VPS41: variants seen among roughly 807,000 people sequenced by gnomAD.
VPS41 encodes VPS41 subunit of HOPS complex.
A neutral mutation model predicts 130.9 loss-of-function variants in VPS41; 85 were observed. The ratio of observed to expected loss-of-function variants is 0.65; its 90% CI spans 0.55 to 0.78. The LOEUF (loss-of-function observed/expected upper bound fraction) is 0.78. Among genes scored for constraint, VPS41 ranks in the 30% least tolerant of loss-of-function variants. The pLI, the probability that VPS41 is intolerant of heterozygous loss-of-function variation, is 0.00. For synonymous variants in VPS41, 335 were observed against 332.9 expected (o/e 1.01, Z -0.07); for missense variants, 874 against 1,018.7 (o/e 0.86, Z 1.93).
In VPS41 at chr7:38,859,478, C is replaced by A. The variant is rs527660780; in HGVS notation, c.246+3067G>T. On this transcript the variant is annotated intron_variant, in intron 4 of 28. Coordinates refer to ENST00000310301, the MANE Select transcript of VPS41 (RefSeq NM_014396.4). ...TCTCCTGTACAGATGTATCATTTGTCATCTTTTATACCATATTTTTATGGT... is the reference window on the plus strand; with the variant it reads ...TCTCCTGTACAGATGTATCATTTGTAATCTTTTATACCATATTTTTATGGT... 3.9e-5 allele frequency among the ~76,000 whole-genome samples: 6 copies of A among 152,128 alleles called. No individual in the cohort carries two copies. The East Asian group carries it at 1.2e-3, about 29-fold the overall frequency.
rs753912437 is a variant in VPS41 at position 38,774,222 on chromosome 7, G to C, written c.905C>G (p.Pro302Arg). ...AAGTGGCTGGATGATGTCCAGTCTA[G>C]GCCTGGCACAGTATTCTCTTTCCTA... ...EKTEREYCAR[P>R]RLDIIQPLSE... Residue 302 changes from proline (P) to arginine (R), a missense_variant, in exon 12 of 29, where the codon CCT becomes CGT. Physicochemically the swap from Pro to Arg is moderately radical, Grantham distance 103. Transcript: ENST00000310301. The C allele has an allele frequency of 3.1e-6, 5 of 1,600,546 alleles. No homozygotes were observed. Among genetic ancestry groups the C allele is most frequent in the Non-Finnish European group, 4.3e-6 (5 of 1,171,492 alleles).
intron 5 of VPS41, 60 bp from the exon 6 acceptor site, chr7:38,821,325 C>A: frequency 1.7e-6 from 2 of 1,145,154 alleles, no homozygotes; most frequent in South Asian, 2.5e-5. Context: ...GCTACTGAGT[C>A]AGTATGAACA....
intron 2 of VPS41, among the ~76,000 whole-genome samples, chr7:38,873,427 C>A (rs1437904380): frequency 6.6e-6 from 1 of 150,486 alleles, no homozygotes; most frequent in East Asian, 1.9e-4. Flanking sequence ...TATAGAGTTT[C>A]TCTTTAACTA....
intron 21 of VPS41, among the ~76,000 whole-genome samples, chr7:38,754,409 T>C (rs1783747275): frequency 1.3e-5 from 2 of 152,174 alleles, no homozygotes; most frequent in African/African-American, 2.4e-5. Context: ...TATATAGTTA[T>C]GTTACATATA....
intron 2 of VPS41, among the ~76,000 whole-genome samples, chr7:38,876,916 A>T (rs1786504370): frequency 6.9e-6 from 1 of 145,358 alleles, no homozygotes; most frequent in Admixed American, 7.6e-5. Context: ...AAGCGATAAG[A>T]ATATATAGAA....
chr7:38,847,125 A>G (rs1785743660), intron 4 of VPS41, among the ~76,000 whole-genome samples: 1 of 152,236 alleles, frequency 6.6e-6, no homozygotes, highest in African/African-American at 2.4e-5. Context: ...TTGGCTGGGA[A>G]CAGTTCAGTG....
intron 2 of VPS41, among the ~76,000 whole-genome samples, chr7:38,873,087 A>G (rs1323796437): frequency 6.6e-6 from 1 of 152,224 alleles, no homozygotes; most frequent in Non-Finnish European, 1.5e-5. Flanking sequence ...ATAAGTGAAA[A>G]CTAAATAATT....
chr7:38,885,354 T>C (rs1341222582), intron 2 of VPS41, among the ~76,000 whole-genome samples: 2 of 152,240 alleles, frequency 1.3e-5, no homozygotes, highest in Non-Finnish European at 2.9e-5. Flanking sequence ...CTTATCTCCA[T>C]GAAGCAGAGC....
intron 25 of VPS41, among the ~76,000 whole-genome samples, chr7:38,733,500 C>A (rs937131362): frequency 6.6e-6 from 1 of 152,118 alleles, no homozygotes; most frequent in Admixed American, 6.5e-5. Flanking sequence ...TATAAGCATG[C>A]AGTTTTGAAG....
At chr7:38,807,799 T>C (rs1046638595) in intron 7 of VPS41, among the ~76,000 whole-genome samples, 7 of 152,232 alleles carry the variant, frequency 4.6e-5, no homozygotes, top group East Asian at 3.8e-4. Context: ...AACCTCTGTG[T>C]TAATGAATCA....
chr7:38,744,391 T>A (rs955719938), intron 23 of VPS41, among the ~76,000 whole-genome samples: 2 of 152,184 alleles, frequency 1.3e-5, no homozygotes, highest in Non-Finnish European at 2.9e-5. Flanking sequence ...CATTATCAAC[T>A]GATAAAAGCT....
In VPS41 at chr7:38,795,589, A is replaced by G. The variant is rs150389637; in HGVS notation, c.593T>C (p.Ile198Thr). Residue 198 changes from isoleucine to threonine, a missense_variant, in exon 9 of 29, where the codon ATC becomes ACC. Ile to Thr is a moderately conservative substitution (Grantham distance 89, BLOSUM62 -1). Coordinates refer to ENST00000310301, the MANE Select transcript of VPS41 (RefSeq NM_014396.4). ...NNMGVKIFDI[I>T]SKQRITNVPR... ...CACATTGGTGATTCTTTGCTTTGAGATGATGTCAAAAATCTTCACACCCTG... is the reference window on the plus strand; with the variant it reads ...CACATTGGTGATTCTTTGCTTTGAGGTGATGTCAAAAATCTTCACACCCTG... The G allele has an allele frequency of 1.2e-6, 2 of 1,612,032 alleles. No homozygotes were observed. Among genetic ancestry groups the G allele is most frequent in the Non-Finnish European group, 1.7e-6 (2 of 1,178,858 alleles).
At chr7:38,736,562 T>G (rs1295897099) in intron 25 of VPS41, among the ~76,000 whole-genome samples, 1 of 152,250 alleles carries the variant, frequency 6.6e-6, no homozygotes, top group East Asian at 1.9e-4. Flanking sequence ...CAATTCTGTA[T>G]GTGACTCTGG....
intron 22 of VPS41, among the ~76,000 whole-genome samples, chr7:38,751,676 T>C (rs1366392571): frequency 2.0e-5 from 3 of 152,128 alleles, no homozygotes; most frequent in African/African-American, 7.2e-5. Flanking sequence ...CAGATAATTA[T>C]AGTGGAATGT....
At chr7:38,896,629 G>A (rs986243899) in intron 2 of VPS41, among the ~76,000 whole-genome samples, 1 of 152,092 alleles carries the variant, frequency 6.6e-6, no homozygotes, top group African/African-American at 2.4e-5. Context: ...ATGTGACCCG[G>A]GGAGCCAAAA....
intron 5 of VPS41, 52 bp downstream of exon 5, chr7:38,830,202 C>T (rs1348726253): frequency 8.6e-7 from 1 of 1,163,684 alleles, no homozygotes; most frequent in African/African-American, 1.5e-5. Context: ...CTGTTCCGAT[C>T]ACCTGGGGCT....
At chr7:38,756,758 A>G in intron 19 of VPS41, 80 bp downstream of exon 19, 1 of 1,077,530 alleles carries the variant, frequency 9.3e-7, no homozygotes, top group Non-Finnish European at 1.3e-6. Context: ...TCACCAATCC[A>G]GCATTTGGAT....
chr7:38,726,165 C>T lies in VPS41; in HGVS notation c.*81G>A, dbSNP rs1341325355. 26 of 898,132 alleles carry T rather than the reference C, an allele frequency of 2.9e-5. No homozygotes were observed. The South Asian group carries it at 3.1e-4, about 11-fold the overall frequency. The allele number at this position is 898,132 out of a possible 1,614,324, so 55.6% of individuals were successfully genotyped here. ...AACATAAACAAATCTCTTAACAGCACGAGTGTCAACAAATGCTTTTGTTGT... is the reference window on the plus strand; with the variant it reads ...AACATAAACAAATCTCTTAACAGCATGAGTGTCAACAAATGCTTTTGTTGT... On this transcript the variant is annotated 3_prime_UTR_variant, in exon 29 of 29. Transcript: ENST00000310301.
At chr7:38,783,043 G>C (rs1035658010) in intron 10 of VPS41, among the ~76,000 whole-genome samples, 1 of 151,894 alleles carries the variant, frequency 6.6e-6, no homozygotes, top group African/African-American at 2.4e-5. Context: ...GCTTGAACCC[G>C]CGAGCACCCA....
Sources: allele counts gnomAD v4.1 joint callset (sites outside exome capture counted in the v4.1 genomes callset), GRCh38; gene constraint gnomAD v4.1.1; transcripts MANE v1.5; gene names NCBI Gene and HGNC (gene_info 2026-07-23, HGNC 2026-07-21).